Variants in WNT9A observed in about 807,000 individuals in gnomAD.
WNT9A encodes Wnt family member 9A.
In WNT9A, 8 loss-of-function variants were observed where a neutral mutation model predicts 31.4. That is an observed-to-expected ratio of 0.26 (90% CI 0.15 to 0.46). The LOEUF is 0.46. WNT9A is among the 20% of genes least tolerant of loss of function. The pLI is 0.99. For missense variants in WNT9A, 457 were observed against 522.9 expected (o/e 0.87, Z 1.23); for synonymous variants, 236 against 220.1 (o/e 1.07, Z -0.64).
At position 227,925,053 on chromosome 1, in the gene WNT9A, G is replaced by A. The variant is rs772413527; in HGVS notation, c.352+210C>T. Among the ~76,000 whole-genome samples the A allele has an allele frequency of 6.6e-6, 1 of 152,204 alleles. No homozygotes were observed. The highest frequency in any genetic ancestry group is 2.4e-5 in the African/African-American group (1 of 41,464). On this transcript the variant is annotated intron_variant, in intron 2 of 3. Coordinates refer to ENST00000272164, the MANE Select transcript of WNT9A (RefSeq NM_003395.4). This position sits in a 1 kb window ranked among gnomAD's most constrained non-coding sequence, Gnocchi z 6.0. ...TCAGCATGCCCTGGCCACCAGCAAC[G>A]ACTGTGCGTGTGCCTAAAGCAAGGC... is the stretch of plus-strand genomic sequence containing the variant.
At chr1:227,947,750 C>T (rs1666819129) in intron 1 of WNT9A, 43 bp downstream of exon 1, 1 of 1,040,858 alleles carries the variant, frequency 9.6e-7, no homozygotes, top group Non-Finnish European at 1.2e-6. Flanking sequence ...CCGGCCCCGC[C>T]GCCCCCGCCC....
In WNT9A at chr1:227,919,004, C is replaced by G. The variant is rs1340742863; in HGVS notation, c.*2514G>C. ...AAACAGGAGGCTCCGGCTGAGCGGC[C>G]TCTTCATCCAGCAAGACATTCGAAT... On this transcript the variant is annotated 3_prime_UTR_variant, in exon 4 of 4. Transcript: ENST00000272164. The G allele has an allele frequency of 6.6e-6, 1 of 152,240 alleles. No homozygotes were observed. The highest frequency in any genetic ancestry group is 1.5e-5 in the Non-Finnish European group (1 of 68,052). The allele number at this position is 152,240 out of a possible 1,614,324, so 9.4% of individuals were successfully genotyped here.
intron 1 of WNT9A, among the ~76,000 whole-genome samples, chr1:227,940,342 G>C (rs1666676033): frequency 6.6e-6 from 1 of 152,200 alleles, no homozygotes; most frequent in Non-Finnish European, 1.5e-5. Context: ...GGAGGCCTCT[G>C]TGCTCAGTGA....
In WNT9A at chr1:227,921,426, G is replaced by T; in HGVS notation, c.*92C>A. ...TGTACCCCACGCAGCTGGGCTGGTC[G>T]AGCCCAGGAACTCAGCCTGTGCAGG... On this transcript the variant is annotated 3_prime_UTR_variant, in exon 4 of 4. Coordinates refer to ENST00000272164, the MANE Select transcript of WNT9A (RefSeq NM_003395.4). 1 of 1,522,066 alleles carries T rather than the reference G, an allele frequency of 6.6e-7. No homozygotes were observed. The highest frequency in any genetic ancestry group is 8.8e-7 in the Non-Finnish European group (1 of 1,130,998). 94.3% of individuals were successfully genotyped at this position (1,522,066 alleles called of 1,614,324 possible).
In WNT9A at chr1:227,925,726, T is replaced by C. The variant is rs1010821365; in HGVS notation, c.96-207A>G. ...CCCATGGCCCCCACTCCAGCGAGCA[T>C]GGTCTCAGTGACCACAGGGCTGTCT... On this transcript the variant is annotated intron_variant, in intron 1 of 3. Coordinates refer to ENST00000272164, the MANE Select transcript of WNT9A (RefSeq NM_003395.4). This position sits in a 1 kb window ranked among gnomAD's most constrained non-coding sequence, Gnocchi z 6.0. 2.6e-5 allele frequency among the ~76,000 whole-genome samples: 4 copies of C among 151,748 alleles called. No individual in the cohort carries two copies. The highest frequency in any genetic ancestry group is 3.5e-3 in the Middle Eastern group (1 of 286).
At chr1:227,922,108 C>T in intron 3 of WNT9A, 108 bp from the exon 4 acceptor site, 2 of 1,469,734 alleles carry the variant, frequency 1.4e-6, no homozygotes, top group Admixed American at 5.0e-5. Flanking sequence ...CCACCCAGGC[C>T]CAGGCCCTGC....
chr1:227,938,429 G>A (rs1666632570), intron 1 of WNT9A, among the ~76,000 whole-genome samples: 1 of 146,196 alleles, frequency 6.8e-6, no homozygotes, highest in Non-Finnish European at 1.5e-5. Context: ...ACACCCATAC[G>A]AACCCATAAA....
intron 2 of WNT9A, 51 bp from the exon 3 acceptor site, chr1:227,924,451 C>T (rs1290263568): frequency 3.2e-6 from 5 of 1,571,756 alleles, no homozygotes; most frequent in South Asian, 1.2e-5. Flanking sequence ...AGAGTTCCCC[C>T]TTCACTGTCC....
intron 1 of WNT9A, among the ~76,000 whole-genome samples, chr1:227,929,650 A>G (rs1483327690): frequency 6.6e-6 from 1 of 152,238 alleles, no homozygotes; most frequent in Non-Finnish European, 1.5e-5. Context: ...CCTGGGCAAC[A>G]TAGTGAGACC....
chr1:227,922,503 G>A (rs940291571), intron 3 of WNT9A, among the ~76,000 whole-genome samples: 8 of 152,324 alleles, frequency 5.3e-5, no homozygotes, highest in Admixed American at 3.9e-4. Context: ...ACATGCAGAC[G>A]CGACCCCCAA....
Position 227,921,442 on chromosome 1 carries a change from C to A in WNT9A, c.*76G>T. On this transcript the variant is annotated 3_prime_UTR_variant, in exon 4 of 4. Transcript: ENST00000272164. ...GGGCTGGTCGAGCCCAGGAACTCAG[C>A]CTGTGCAGGTGTAGACCCTTCACAC... 6.5e-7 allele frequency: 1 copy of A among 1,538,234 alleles called. No individual in the cohort carries two copies. The highest frequency in any genetic ancestry group is 8.8e-7 in the Non-Finnish European group (1 of 1,140,860).
At chr1:227,938,069 C>T (rs1346023912) in intron 1 of WNT9A, among the ~76,000 whole-genome samples, 2 of 152,160 alleles carry the variant, frequency 1.3e-5, no homozygotes, top group African/African-American at 4.8e-5. Context: ...CTGGCCTTTA[C>T]TATGCACCCT....
In WNT9A at chr1:227,920,109, G is replaced by C. The variant is rs576315491; in HGVS notation, c.*1409C>G. 6.6e-6 allele frequency: 1 copy of C among 152,294 alleles called. No homozygotes were observed. Among genetic ancestry groups the C allele is most frequent in the Non-Finnish European group, 1.5e-5 (1 of 68,104 alleles). The allele number at this position is 152,294 out of a possible 1,614,324, so 9.4% of individuals were successfully genotyped here. A position where few individuals can be genotyped will look rare whatever the true frequency, so the allele number is the denominator to read the frequency against. The stretch of plus-strand genomic sequence containing the variant: ...CGCCCCTCTCCACCACCCCCAGCTC[G>C]AGAATCTGCACTGAGCTGCCTGGAG... On this transcript the variant is annotated 3_prime_UTR_variant, in exon 4 of 4. Coordinates refer to ENST00000272164, the MANE Select transcript of WNT9A (RefSeq NM_003395.4).
chr1:227,928,355 T>C lies in WNT9A; in HGVS notation c.96-2836A>G, dbSNP rs1482562844. On this transcript the variant is annotated intron_variant, in intron 1 of 3. Coordinates refer to ENST00000272164, the MANE Select transcript of WNT9A (RefSeq NM_003395.4). The surrounding 1 kb of genome is among the most constrained non-coding windows in gnomAD (Gnocchi z 4.5). ...CAGGCAGGGTGGGCAGGGTGGGCCG[T>C]TGGCACTGTCAGAAGGGTGTGGAGG... 2.6e-5 allele frequency among the ~76,000 whole-genome samples: 4 copies of C among 152,020 alleles called. No homozygotes were observed. Among genetic ancestry groups the C allele is most frequent in the East Asian group, 1.9e-4 (1 of 5,174 alleles).
At chr1:227,929,006 C>T (rs535257260) in intron 1 of WNT9A, among the ~76,000 whole-genome samples, 12 of 151,966 alleles carry the variant, frequency 7.9e-5, no homozygotes, top group East Asian at 1.9e-4. Flanking sequence ...GCGCTGTGCA[C>T]GTGTGTGTGT....
At position 227,921,365 on chromosome 1, in the gene WNT9A, T is replaced by C. The variant is rs751859223; in HGVS notation, c.*153A>G. On this transcript the variant is annotated 3_prime_UTR_variant, in exon 4 of 4. Coordinates refer to ENST00000272164, the MANE Select transcript of WNT9A (RefSeq NM_003395.4). ...GGTCTGAGCCCAGGGACTCAGCCCA[T>C]GCAGGTGTAGACCCATTCACACTGT... is the stretch of plus-strand genomic sequence containing the variant. The C allele has an allele frequency of 1.1e-4, 134 of 1,254,938 alleles. No homozygotes were observed. Among genetic ancestry groups the C allele is most frequent in the Non-Finnish European group, 1.4e-4 (127 of 918,582 alleles). 77.7% of individuals were successfully genotyped at this position (1,254,938 alleles called of 1,614,324 possible).
In WNT9A at chr1:227,921,674, G is replaced by A. The variant is rs1666317090; in HGVS notation, c.942C>T (p.His314=). The A allele has an allele frequency of 6.2e-7, 1 of 1,613,264 alleles. No homozygotes were observed. The highest frequency in any genetic ancestry group is 8.5e-7 in the Non-Finnish European group (1 of 1,179,990). ...FSPGTAGRRC[H]REKNCESICC... is the part of the protein sequence containing the mutation. ...AGATGCTCTCGCAGTTCTTCTCACGGTGGCACCTACGGCCAGCGGTGCCCG... is the reference window on the plus strand; with the variant it reads ...AGATGCTCTCGCAGTTCTTCTCACGATGGCACCTACGGCCAGCGGTGCCCG... The change falls in exon 4 of 4, where the codon CAC becomes CAT. Residue 314 remains histidine (H), a synonymous_variant. Coordinates refer to ENST00000272164, the MANE Select transcript of WNT9A (RefSeq NM_003395.4).
rs1225213763 is a variant in WNT9A at position 227,925,297 on chromosome 1, C to T, written c.318G>A (p.Leu106=). Reference sequence around the variant, plus strand: ...GCAGGCTGGCCCGGTAGCGGCCCTCCAGCGTGCAGTTCCAGCGCTCAAAGC... The same window carrying T: ...GCAGGCTGGCCCGGTAGCGGCCCTCTAGCGTGCAGTTCCAGCGCTCAAAGC... ...QFRFERWNCT[L]EGRYRASLLK... Residue 106 remains leucine (L), a synonymous_variant, in exon 2 of 4, where the codon CTG becomes CTA. Coordinates refer to ENST00000272164, the MANE Select transcript of WNT9A (RefSeq NM_003395.4). This position sits in a 1 kb window ranked among gnomAD's most constrained non-coding sequence, Gnocchi z 6.0. The T allele has an allele frequency of 6.3e-7, 1 of 1,580,350 alleles. No individual in the cohort carries two copies. Among genetic ancestry groups the T allele is most frequent in the Non-Finnish European group, 8.6e-7 (1 of 1,164,080 alleles).
In WNT9A at chr1:227,920,030, C is replaced by G. The variant is rs1484193245; in HGVS notation, c.*1488G>C. The G allele has an allele frequency of 2.6e-5, 4 of 152,374 alleles. No individual in the cohort carries two copies. Among genetic ancestry groups the G allele is most frequent in the African/African-American group, 9.6e-5 (4 of 41,470 alleles). 9.4% of individuals were successfully genotyped at this position (152,374 alleles called of 1,614,324 possible). ...CCCAGTGACACAAAGCAAGCAGCTT[C>G]CTCATGACATGACATGAACCAATCA... On this transcript the variant is annotated 3_prime_UTR_variant, in exon 4 of 4. Transcript: ENST00000272164.
Sources: gnomAD v4.1 joint callset for allele counts (sites outside exome capture counted in the v4.1 genomes callset) on GRCh38, gnomAD v4.1.1 for gene constraint, Gnocchi (gnomAD v3.1) non-coding constraint, MANE v1.5 for transcripts, NCBI Gene and HGNC (gene_info 2026-07-23, HGNC 2026-07-21) for gene names.